The following MRPL13 variants were observed in gnomAD, a reference collection of about 807,000 sequenced individuals.
MRPL13 encodes the protein mitochondrial ribosomal protein L13.
Under a neutral mutation model 29.0 loss-of-function variants are expected in MRPL13, and 33 were observed. That is an observed-to-expected ratio of 1.14 (90% CI 0.86 to 1.52). The LOEUF (loss-of-function observed/expected upper bound fraction) is 1.52. Among genes scored for constraint, MRPL13 ranks in the 40% most tolerant of loss-of-function variants. MRPL13 has a pLI of 0.00. For missense variants in MRPL13, 227 were observed against 216.7 expected, an observed-to-expected ratio of 1.05 and a Z score of -0.30; for synonymous variants, 77 against 68.4, an observed-to-expected ratio of 1.13 and a Z score of -0.62.
At chr8:120,438,918 C>CTT (rs1813084993) in intron 2 of MRPL13, among the ~76,000 whole-genome samples, 3 of 152,210 alleles carry the variant, frequency 2.0e-5, no homozygotes, top group Admixed American at 6.5e-5. Context: ...TTCTGGTCTG[C>CTT]CAAAAAATAT....
At chr8:120,411,026 G>A (rs948341710) in intron 6 of MRPL13, among the ~76,000 whole-genome samples, 8 of 151,394 alleles carry the variant, frequency 5.3e-5, no homozygotes, top group East Asian at 2.0e-4. Flanking sequence ...GATCCACCGC[G>A]CCAGGCTTCC....
At chr8:120,398,092 C>T (rs931161226) in intron 6 of MRPL13, among the ~76,000 whole-genome samples, 71 of 152,298 alleles carry the variant, frequency 4.7e-4, no homozygotes, top group African/African-American at 1.6e-3. Context: ...TGAAGCAGTC[C>T]GGATGGGGAT....
chr8:120,417,518 G>C (rs1307762507), intron 5 of MRPL13, among the ~76,000 whole-genome samples: 4 of 151,874 alleles, frequency 2.6e-5, no homozygotes, highest in African/African-American at 9.7e-5. Flanking sequence ...CAGAAAGAAG[G>C]GACATCATAA....
At chr8:120,433,974 A>C (rs1054455282) in intron 2 of MRPL13, among the ~76,000 whole-genome samples, 1 of 152,118 alleles carries the variant, frequency 6.6e-6, no homozygotes, top group Admixed American at 6.6e-5. Flanking sequence ...GAAAAATAGT[A>C]AGCAATTTTT....
chr8:120,407,959 A>G (rs1812695595), intron 6 of MRPL13, among the ~76,000 whole-genome samples: 1 of 152,220 alleles, frequency 6.6e-6, no homozygotes, highest in Admixed American at 6.5e-5. Flanking sequence ...TTGAGTTTTA[A>G]GTCACTTCCA....
intron 5 of MRPL13, among the ~76,000 whole-genome samples, chr8:120,417,966 TA>T (rs1309389183): frequency 6.6e-6 from 1 of 152,036 alleles, no homozygotes; most frequent in Non-Finnish European, 1.5e-5. Context: ...ATGATTAACA[TA>T]AAAAATAAAT....
chr8:120,421,059 A>G (rs369473723), intron 4 of MRPL13, among the ~76,000 whole-genome samples: 12 of 151,956 alleles, frequency 7.9e-5, no homozygotes, highest in African/African-American at 2.4e-4. Flanking sequence ...GACATTAAGT[A>G]TAAGTTTTAA....
chr8:120,433,131 G>C (rs1367518271), intron 2 of MRPL13, among the ~76,000 whole-genome samples: 1 of 152,086 alleles, frequency 6.6e-6, no homozygotes, highest in Non-Finnish European at 1.5e-5. Flanking sequence ...TCAGAGGTAT[G>C]AATGAAAGAC....
In MRPL13 at chr8:120,445,123, T is replaced by C. The variant is rs1443528788; in HGVS notation, c.-29A>G. 1 of 1,613,906 alleles carries C rather than the reference T, an allele frequency of 6.2e-7. No individual in the cohort carries two copies. The highest frequency in any genetic ancestry group is 8.5e-7 in the Non-Finnish European group (1 of 1,179,904). ...CCTCTACTAGCAGGACCGTACGTCC[T>C]TCTCCTAGTAGCCACGCCGGGTCAC... On this transcript the variant is annotated 5_prime_UTR_variant, in exon 1 of 7. Coordinates refer to ENST00000306185, the MANE Select transcript of MRPL13 (RefSeq NM_014078.6).
At chr8:120,408,903 G>T (rs2130457203) in intron 6 of MRPL13, among the ~76,000 whole-genome samples, 1 of 152,294 alleles carries the variant, frequency 6.6e-6, no homozygotes, top group Admixed American at 6.5e-5. Context: ...GCTCACCAAT[G>T]CAGTGCTAAT....
At chr8:120,431,526 A>C (rs1269341553) in intron 3 of MRPL13, among the ~76,000 whole-genome samples, 4 of 152,216 alleles carry the variant, frequency 2.6e-5, no homozygotes, top group Non-Finnish European at 5.9e-5. Flanking sequence ...TATGGCCTTG[A>C]AGAAAAGTTC....
intron 2 of MRPL13, among the ~76,000 whole-genome samples, chr8:120,433,239 G>A (rs1013505796): frequency 6.6e-6 from 1 of 152,084 alleles, no homozygotes; most frequent in African/African-American, 2.4e-5. Context: ...GGCTACTGAG[G>A]CAGTTGGGCG....
chr8:120,408,292 A>C (rs1439303833), intron 6 of MRPL13, among the ~76,000 whole-genome samples: 1 of 152,236 alleles, frequency 6.6e-6, no homozygotes, highest in Non-Finnish European at 1.5e-5. Flanking sequence ...ATGAACAGAA[A>C]TTGCCATTAC....
At chr8:120,413,291 A>G (rs760376297) in intron 6 of MRPL13, among the ~76,000 whole-genome samples, 7 of 152,240 alleles carry the variant, frequency 4.6e-5, no homozygotes, top group Non-Finnish European at 1.0e-4. Context: ...TAGCTCCCTC[A>G]TGAAGTCTAG....
intron 6 of MRPL13, among the ~76,000 whole-genome samples, chr8:120,405,333 A>T (rs1347527517): frequency 6.6e-6 from 1 of 152,226 alleles, no homozygotes; most frequent in Non-Finnish European, 1.5e-5. Context: ...TCAAGGTAAT[A>T]TAAGAAAGGG....
chr8:120,406,414 G>A (rs1812668234), intron 6 of MRPL13, among the ~76,000 whole-genome samples: 1 of 152,062 alleles, frequency 6.6e-6, no homozygotes, highest in Non-Finnish European at 1.5e-5. Context: ...TTTCAGGGAG[G>A]ATATGATTCC....
intron 6 of MRPL13, among the ~76,000 whole-genome samples, chr8:120,396,411 T>C (rs1177276351): frequency 1.3e-5 from 2 of 152,176 alleles, no homozygotes; most frequent in South Asian, 4.1e-4. Flanking sequence ...AATTTCTCTG[T>C]TCCATTTTTA....
intron 2 of MRPL13, among the ~76,000 whole-genome samples, chr8:120,440,521 C>T (rs1813105720): frequency 6.6e-6 from 1 of 151,270 alleles, no homozygotes; most frequent in Non-Finnish European, 1.5e-5. Flanking sequence ...AGGAGAAATG[C>T]TTGAACCCAG....
chr8:120,412,808 A>G (rs1563772491), intron 6 of MRPL13, among the ~76,000 whole-genome samples: 1 of 152,188 alleles, frequency 6.6e-6, no homozygotes, highest in Non-Finnish European at 1.5e-5. Flanking sequence ...GCATTCCAGC[A>G]GAGTTAGGAG....
Sources: allele counts gnomAD v4.1 joint callset (sites outside exome capture counted in the v4.1 genomes callset), GRCh38; gene constraint gnomAD v4.1.1; transcripts MANE v1.5; gene names NCBI Gene and HGNC (gene_info 2026-07-23, HGNC 2026-07-21).